SLC25A29: variants seen among roughly 807,000 people sequenced by gnomAD.
SLC25A29 encodes mitochondrial basic amino acids transporter.
SLC25A29 carries 13 observed loss-of-function variants against 10.0 expected under a neutral mutation model. That is an observed-to-expected ratio of 1.30 (90% CI 0.85 to 2.07). SLC25A29 has a LOEUF of 2.07. Among genes scored for constraint, SLC25A29 ranks in the 30% most tolerant of loss-of-function variants. The pLI, the probability that SLC25A29 is intolerant of heterozygous loss-of-function variation, is 0.00. For missense variants in SLC25A29, 475 were observed against 447.6 expected (o/e 1.06, Z -0.55); for synonymous variants, 244 against 221.1 (o/e 1.10, Z -0.92).
At chr14:100,303,030 C>G (rs1059263) in intron 1 of SLC25A29, among the ~76,000 whole-genome samples, 1 of 152,018 alleles carries the variant, frequency 6.6e-6, no homozygotes, top group Non-Finnish European at 1.5e-5. Context: ...TCCAGAGCCT[C>G]TAACATTCAC....
intron 1 of SLC25A29, chr14:100,299,659 GTAACC>G: frequency 1.1e-6 from 1 of 881,544 alleles, no homozygotes; most frequent in East Asian, 1.2e-4. Flanking sequence ...TGTGCAGGTG[GTAACC>G]ATCTCTGAGT....
At chr14:100,287,421 C>T (rs1013486076), downstream of SLC25A29, among the ~76,000 whole-genome samples, 2 of 152,236 alleles carry the variant, frequency 1.3e-5, no homozygotes, top group Admixed American at 6.5e-5. Context: ...CTTTCCCACC[C>T]CAGAGACAAA....
At chr14:100,299,367 T>G in intron 1 of SLC25A29, 2 of 1,008,674 alleles carry the variant, frequency 2.0e-6, no homozygotes, top group Non-Finnish European at 2.4e-6. Flanking sequence ...TGGGCCTCAC[T>G]CTGGGCCTTA....
chr14:100,295,860 C>T (rs911393251), intron 2 of SLC25A29: 2 of 1,289,668 alleles, frequency 1.6e-6, no homozygotes, highest in Admixed American at 4.6e-5. Context: ...CTGATTATTG[C>T]TGTGTCCAAG....
chr14:100,291,344 G>C lies in SLC25A29; in HGVS notation c.*939C>G, dbSNP rs1891677095. On this transcript the variant is annotated 3_prime_UTR_variant, in exon 4 of 4. Coordinates refer to ENST00000359232, the MANE Select transcript of SLC25A29 (RefSeq NM_001039355.3). The stretch of plus-strand genomic sequence containing the variant: ...CCTGGGAGGCACCGTTTGCTGGGGA[G>C]CAGAGGGACTGACCTTTGGCTTCTT... The C allele has an allele frequency of 6.6e-6, 1 of 152,634 alleles. No homozygotes were observed. Among genetic ancestry groups the C allele is most frequent in the African/African-American group, 2.4e-5 (1 of 41,486 alleles). The allele number at this position is 152,634 out of a possible 1,614,324, so 9.5% of individuals were successfully genotyped here.
At position 100,292,303 on chromosome 14, in the gene SLC25A29, C is replaced by T; in HGVS notation, c.892G>A (p.Ala298Thr). ...GAGCGTCACAGGCTGGAGGGCTGCGCCAGGGCAGGCCCCGCAGGGGCGGCG... is the reference window on the plus strand; with the variant it reads ...GAGCGTCACAGGCTGGAGGGCTGCGTCAGGGCAGGCCCCGCAGGGGCGGCG... ...VPAAPAGPAL[A>T]QPSSL Residue 298 changes from alanine to threonine, a missense_variant, in exon 4 of 4, where the codon GCG becomes ACG. Coordinates refer to ENST00000359232, the MANE Select transcript of SLC25A29 (RefSeq NM_001039355.3). 4 of 1,524,586 alleles carry T rather than the reference C, an allele frequency of 2.6e-6. No individual in the cohort carries two copies. Among genetic ancestry groups the T allele is most frequent in the Non-Finnish European group, 3.5e-6 (4 of 1,138,192 alleles). 94.4% of individuals were successfully genotyped at this position (1,524,586 alleles called of 1,614,324 possible). A position where few individuals can be genotyped will look rare whatever the true frequency, so the allele number is the denominator to read the frequency against.
At chr14:100,287,474 C>G (rs1032509009), downstream of SLC25A29, among the ~76,000 whole-genome samples, 1 of 152,108 alleles carries the variant, frequency 6.6e-6, no homozygotes, top group African/African-American at 2.4e-5. Flanking sequence ...CTTAAGGGGT[C>G]AAGGAAGGAG....
At chr14:100,286,853 G>A (rs1012216553), downstream of SLC25A29, among the ~76,000 whole-genome samples, 3 of 152,168 alleles carry the variant, frequency 2.0e-5, no homozygotes, top group African/African-American at 7.2e-5. Context: ...CCTGGCCCCA[G>A]CTGATCCTGC....
At chr14:100,301,935 T>G (rs1381818148) in intron 1 of SLC25A29, among the ~76,000 whole-genome samples, 1 of 151,932 alleles carries the variant, frequency 6.6e-6, no homozygotes, top group Non-Finnish European at 1.5e-5. Context: ...CTCCCATCCC[T>G]GCCACCTTCC....
chr14:100,278,954 C>T, the SLC25A29 span: 5 of 152,240 alleles, frequency 3.3e-5, no homozygotes, highest in African/African-American at 1.2e-4. Context: ...TTTGAGAGCC[C>T]TTGTTCCTCC....
In SLC25A29 at chr14:100,292,767, C is replaced by A; in HGVS notation, c.428G>T (p.Gly143Val). The A allele has an allele frequency of 6.2e-7, 1 of 1,601,116 alleles. No individual in the cohort carries two copies. The highest frequency in any genetic ancestry group is 1.7e-5 in the Admixed American group (1 of 58,620). The change falls in exon 4 of 4, where the codon GGG (glycine) becomes GTG (valine). Residue 143 changes from glycine (G) to valine (V), a missense_variant. Physicochemically the swap from Gly to Val is moderately radical, Grantham distance 109. Transcript: ENST00000359232. Reference protein sequence around the residue: ...GSLDCLAQIYGHEGLRGVNRG... With the variant: ...GSLDCLAQIYVHEGLRGVNRG... ...GTTGACGCCACGCAGACCCTCGTGC[C>A]CGTAGATCTGCGCGAGGCAGTCCAG...
intron 1 of SLC25A29, among the ~76,000 whole-genome samples, chr14:100,301,860 G>A (rs1026055216): frequency 1.3e-5 from 2 of 151,846 alleles, no homozygotes; most frequent in South Asian, 2.1e-4. Flanking sequence ...GGTAAGCACC[G>A]CCTCCCCCAC....
In SLC25A29 at chr14:100,292,695, A is replaced by G; in HGVS notation, c.500T>C (p.Val167Ala). 5 of 1,603,102 alleles carry G rather than the reference A, an allele frequency of 3.1e-6. No individual in the cohort carries two copies. The highest frequency in any genetic ancestry group is 4.3e-6 in the Non-Finnish European group (5 of 1,176,180). ...GAGAGCGTCATAGGTGAGGAAGTAG[A>G]CGCCGAAGCTGGGCGTCTCACGCAG... ...TLLRETPSFG[V>A]YFLTYDALTR... is the part of the protein sequence containing the mutation. Residue 167 changes from valine (V) to alanine (A), a missense_variant, in exon 4 of 4, where the codon GTC (valine) becomes GCC (alanine). Transcript: ENST00000359232.
At chr14:100,297,694 C>T (rs544300557) in intron 2 of SLC25A29, among the ~76,000 whole-genome samples, 3 of 152,344 alleles carry the variant, frequency 2.0e-5, no homozygotes, top group African/African-American at 4.8e-5. Flanking sequence ...GTGCAGCAAA[C>T]GTGGGGCCGC....
At chr14:100,289,915 C>T (rs1198270733), downstream of SLC25A29, among the ~76,000 whole-genome samples, 1 of 151,848 alleles carries the variant, frequency 6.6e-6, no homozygotes, top group Non-Finnish European at 1.5e-5. Flanking sequence ...CAACTCTACT[C>T]CCTGCCTGGC....
At chr14:100,284,293 T>G in the SLC25A29 span, among the ~76,000 whole-genome samples, 1 of 152,136 alleles carries the variant, frequency 6.6e-6, no homozygotes, top group East Asian at 1.9e-4. Flanking sequence ...TATGGAGCAG[T>G]GCATCGGCCT....
intron 1 of SLC25A29, among the ~76,000 whole-genome samples, chr14:100,301,076 T>C (rs1314781449): frequency 1.3e-5 from 2 of 151,914 alleles, no homozygotes; most frequent in East Asian, 3.9e-4. Flanking sequence ...ATTTTTTGTA[T>C]GTTTAGTAGA....
intron 2 of SLC25A29, among the ~76,000 whole-genome samples, chr14:100,297,597 G>A (rs1227893613): frequency 3.3e-5 from 5 of 152,340 alleles, no homozygotes; most frequent in South Asian, 2.1e-4. Context: ...GAGGCTTCAC[G>A]GGTGGCCTGG....
At chr14:100,304,266 G>T in intron 1 of SLC25A29, among the ~76,000 whole-genome samples, 1 of 152,178 alleles carries the variant, frequency 6.6e-6, no homozygotes, top group East Asian at 1.9e-4. Flanking sequence ...TGTGACCCCA[G>T]CTGTGCCAGG....
Sources: allele counts gnomAD v4.1 joint callset (sites outside exome capture counted in the v4.1 genomes callset), GRCh38; gene constraint gnomAD v4.1.1; transcripts MANE v1.5; gene names NCBI Gene and HGNC (gene_info 2026-07-23, HGNC 2026-07-21).